The following CPLANE1 variants were observed in gnomAD, a reference collection of about 807,000 sequenced individuals.
The protein encoded by CPLANE1 is ciliogenesis and planar polarity effector 1.
CPLANE1 carries 263 observed loss-of-function variants against 362.5 expected under a neutral mutation model. That is an observed-to-expected ratio of 0.73 (90% CI 0.66 to 0.80). CPLANE1 has a LOEUF of 0.80. Ranked by LOEUF, CPLANE1 falls within the 30% of genes least tolerant of loss-of-function variation. The probability of loss-of-function intolerance (pLI) is 0.00; values close to 1 mark genes in which losing one functional copy is unlikely to be tolerated. For synonymous variants in CPLANE1, 1,212 were observed against 1,302.6 expected (o/e 0.93, Z 1.50); for missense variants, 3,461 against 3,793.4 (o/e 0.91, Z 2.30).
the CPLANE1 span, among the ~76,000 whole-genome samples, chr5:37,100,799 C>A: frequency 9.9e-5 from 15 of 151,996 alleles, no homozygotes; most frequent in African/African-American, 3.6e-4. Flanking sequence ...TTGAGCAGTG[C>A]TTTGTGGTTC....
intron 16 of CPLANE1, among the ~76,000 whole-genome samples, chr5:37,208,557 G>C (rs985301034): frequency 6.6e-6 from 1 of 152,024 alleles, no homozygotes; most frequent in East Asian, 1.9e-4. Flanking sequence ...GGCGCCTGTA[G>C]TCCCAGCTAC....
chr5:37,116,074 C>T (rs755858565), intron 50 of CPLANE1, among the ~76,000 whole-genome samples: 7 of 151,636 alleles, frequency 4.6e-5, no homozygotes, highest in Non-Finnish European at 7.4e-5. Context: ...ATTGCTTGAG[C>T]CCAGGAGTTT....
chr5:37,169,299 T>A lies in CPLANE1; in HGVS notation c.6725A>T (p.His2242Leu), dbSNP rs764708269. ...SKQEFQPLFL[H>L]TGSIPQVPFR... ...GGGAACTTGTGGAATACTTCCTGTA[T>A]GTAAGAAAAGGGGCTGGAATTCTTG... The change falls in exon 34 of 53, where the codon CAT (histidine) becomes CTT (leucine). Residue 2242 changes from histidine to leucine, a missense_variant. His to Leu is a moderately conservative substitution (Grantham distance 99). Transcript: ENST00000651892. The A allele has an allele frequency of 6.2e-7, 1 of 1,614,086 alleles. No homozygotes were observed. The highest frequency in any genetic ancestry group is 8.5e-7 in the Non-Finnish European group (1 of 1,180,040).
downstream of CPLANE1, among the ~76,000 whole-genome samples, chr5:37,102,540 G>A (rs1757345297): frequency 6.6e-6 from 1 of 152,040 alleles, no homozygotes; most frequent in Admixed American, 6.6e-5. Context: ...TTGTTGTGGG[G>A]ATTTAGTGCT....
Position 37,221,312 on chromosome 5 carries a change from A to G in CPLANE1, c.2746+12T>C. On this transcript the variant is annotated intron_variant, in intron 15 of 52. Coordinates refer to ENST00000651892, the MANE Select transcript of CPLANE1 (RefSeq NM_001384732.1). ...TTTTTAAAAATACAAAGAAAGAAAA[A>G]AAAAAGCATACCTGAAAAATCTTTA... 1 of 1,482,928 alleles carries G rather than the reference A, an allele frequency of 6.7e-7. No individual in the cohort carries two copies. Among genetic ancestry groups the G allele is most frequent in the Non-Finnish European group, 8.9e-7 (1 of 1,118,936 alleles). 91.9% of individuals were successfully genotyped at this position (1,482,928 alleles called of 1,614,324 possible).
chr5:37,147,320 G>A (rs1382981708), intron 43 of CPLANE1, among the ~76,000 whole-genome samples: 1 of 152,110 alleles, frequency 6.6e-6, no homozygotes, highest in African/African-American at 2.4e-5. Context: ...TAATCAAAAT[G>A]CAATGAAAAT....
rs73095736 is a variant in CPLANE1, at chr5:37,154,939, G to A, written c.8120-946C>T. On this transcript the variant is annotated intron_variant, in intron 41 of 52. Transcript: ENST00000651892. ...CCGCAGCTCAGCAAATAGCACCACC[G>A]TTCAGTTTCACAAGCCAGAGACCAG... 7.3e-3 allele frequency among the ~76,000 whole-genome samples: 1,118 copies of A among 152,182 alleles called. 17 individuals are homozygous for A. The highest frequency in any genetic ancestry group is 0.025 in the African/African-American group (1,045 of 41,530).
At chr5:37,139,277 A>T (rs772223471) in intron 45 of CPLANE1, 63 bp downstream of exon 45, 1 of 1,365,916 alleles carries the variant, frequency 7.3e-7, no homozygotes, top group Non-Finnish European at 9.9e-7. Context: ...ACATATGAAC[A>T]AAATTTTCAC....
chr5:37,221,793 T>A (rs1012433430), intron 14 of CPLANE1, among the ~76,000 whole-genome samples: 3 of 152,058 alleles, frequency 2.0e-5, no homozygotes, highest in African/African-American at 7.2e-5. Context: ...TATCTTATAT[T>A]TTTTTAGCAT....
chr5:37,140,406 T>A, intron 44 of CPLANE1: 1 of 984,766 alleles, frequency 1.0e-6, no homozygotes, highest in Non-Finnish European at 1.2e-6. Context: ...TCTCAGAATC[T>A]GGGCATTTGT....
At chr5:37,112,232 C>T (rs1759562620) in intron 51 of CPLANE1, among the ~76,000 whole-genome samples, 2 of 152,172 alleles carry the variant, frequency 1.3e-5, no homozygotes, top group Non-Finnish European at 2.9e-5. Flanking sequence ...AAGAGTCTTG[C>T]ATTTTAGGAT....
rs755773138 is a variant in CPLANE1 at position 37,245,792 on chromosome 5, C to A, written c.135G>T (p.Leu45Phe). 11 of 1,531,332 alleles carry A rather than the reference C, an allele frequency of 7.2e-6. No homozygotes were observed. The African/African-American group carries it at 1.4e-4, about 19-fold the overall frequency. The allele number at this position is 1,531,332 out of a possible 1,614,324, so 94.9% of individuals were successfully genotyped here. ...LDDKFINEIN[L>F]LSGKIKKKIP... ...TTTTCTTCTTTATCTTTCCTGATAGCAAATTAATTTCATTTATGAATTTAT... is the reference window on the plus strand; with the variant it reads ...TTTTCTTCTTTATCTTTCCTGATAGAAAATTAATTTCATTTATGAATTTAT... The change falls in exon 3 of 53, where the codon TTG (leucine) becomes TTT (phenylalanine). Residue 45 changes from leucine (L) to phenylalanine (F), a missense_variant. Leu to Phe is a conservative substitution (Grantham distance 22, BLOSUM62 0). Around this residue, in one of 2 missense-constraint regions of CPLANE1, gnomAD observed 3,380 missense variants for 3,666.1 expected, o/e 0.92. Coordinates refer to ENST00000651892, the MANE Select transcript of CPLANE1 (RefSeq NM_001384732.1).
chr5:37,086,517 T>C, the CPLANE1 span, among the ~76,000 whole-genome samples: 2 of 152,252 alleles, frequency 1.3e-5, no homozygotes, highest in African/African-American at 4.8e-5. Flanking sequence ...CTTTGAGCTA[T>C]AGCAAGGGTA....
chr5:37,081,466 G>A, the CPLANE1 span, among the ~76,000 whole-genome samples: 2 of 151,914 alleles, frequency 1.3e-5, no homozygotes, highest in African/African-American at 4.8e-5. Flanking sequence ...GGGACTACAG[G>A]CACGTACCAT....
Position 37,209,656 on chromosome 5 carries a change from G to A in CPLANE1, c.2921-3231C>T. 7.1e-7 allele frequency: 1 copy of A among 1,403,138 alleles called. No homozygotes were observed. The highest frequency in any genetic ancestry group is 1.0e-6 in the Non-Finnish European group (1 of 990,122). 86.9% of individuals were successfully genotyped at this position (1,403,138 alleles called of 1,614,324 possible). ...TCACTTTCTGTTTTCTTTCTAGAAA[G>A]TGGTTTGGCAAAAGAAAAGGTATTT... On this transcript the variant is annotated intron_variant, in intron 16 of 52. Coordinates refer to ENST00000651892, the MANE Select transcript of CPLANE1 (RefSeq NM_001384732.1). The surrounding 1 kb of genome is among the most constrained non-coding windows in gnomAD (Gnocchi z 4.6).
At position 37,147,099 on chromosome 5, in the gene CPLANE1, G is replaced by A. The variant is rs150515667; in HGVS notation, c.8461+1082C>T. Among the ~76,000 whole-genome samples, 14 of 152,258 alleles carry A rather than the reference G, an allele frequency of 9.2e-5. No individual in the cohort carries two copies. In the East Asian group the frequency reaches 2.7e-3, roughly 29 times the overall value. On this transcript the variant is annotated intron_variant, in intron 43 of 52. Transcript: ENST00000651892. Reference sequence around the variant, plus strand: ...ACCTTCTAAGAAATGAACGGATCAAGCTGACTAATCAGAAAAAATACAAAA... The same window carrying A: ...ACCTTCTAAGAAATGAACGGATCAAACTGACTAATCAGAAAAAATACAAAA...
chr5:37,238,657 G>A (rs1198480540), intron 8 of CPLANE1, among the ~76,000 whole-genome samples, 200 bp downstream of exon 8: 4 of 150,826 alleles, frequency 2.7e-5, no homozygotes, highest in Admixed American at 6.6e-5. Flanking sequence ...CACCATGCTC[G>A]GCTAATTTCT....
intron 14 of CPLANE1, 87 bp downstream of exon 14, chr5:37,224,166 T>G: frequency 2.5e-6 from 2 of 802,506 alleles, no homozygotes; most frequent in Non-Finnish European, 4.0e-6. Flanking sequence ...ACATATTTTT[T>G]GGAATTTAGA....
At chr5:37,239,070 G>T in intron 7 of CPLANE1, 110 bp from the exon 8 acceptor site, 1 of 496,234 alleles carries the variant, frequency 2.0e-6, no homozygotes, top group Non-Finnish European at 3.4e-6. Context: ...ACTATCTAGG[G>T]AGTATTTCCT....
Sources: gnomAD v4.1 joint callset for allele counts (sites outside exome capture counted in the v4.1 genomes callset) on GRCh38, gnomAD v4.1.1 for gene constraint, gnomAD v4.1.1 regional missense constraint, Gnocchi (gnomAD v3.1) non-coding constraint, MANE v1.5 for transcripts, NCBI Gene and HGNC (gene_info 2026-07-23, HGNC 2026-07-21) for gene names.